Variants in NOP14 observed in about 807,000 individuals in gnomAD.
NOP14 encodes nucleolar protein 14.
A neutral mutation model predicts 101.6 loss-of-function variants in NOP14; 57 were observed. That is an observed-to-expected ratio of 0.56 (90% CI 0.45 to 0.70). NOP14 has a LOEUF of 0.70. Ranked by LOEUF, NOP14 falls within the 30% of genes least tolerant of loss-of-function variation. NOP14 has a pLI of 0.00. For missense variants in NOP14, 1,134 were observed against 1,075.5 expected, an observed-to-expected ratio of 1.05 and a Z score of -0.76; for synonymous variants, 428 against 424.0, an observed-to-expected ratio of 1.01 and a Z score of -0.12.
In NOP14 at chr4:2,963,360, A is replaced by C; in HGVS notation, c.-41T>G. ...GCGCCCAAGGGCCCGAGACCCGAAG[A>C]GAGACAGGCGCGCGCTACCCTAAGA... On this transcript the variant is annotated 5_prime_UTR_variant, in exon 1 of 18. Coordinates refer to ENST00000416614, the MANE Select transcript of NOP14 (RefSeq NM_001291978.2). 1 of 1,508,730 alleles carries C rather than the reference A, an allele frequency of 6.6e-7. No individual in the cohort carries two copies. Among genetic ancestry groups the C allele is most frequent in the South Asian group, 1.2e-5 (1 of 80,922 alleles). The allele number at this position is 1,508,730 out of a possible 1,614,324, so 93.5% of individuals were successfully genotyped here.
intron 9 of NOP14, 120 bp from the exon 10 acceptor site, chr4:2,947,731 G>T: frequency 1.3e-6 from 1 of 770,276 alleles, no homozygotes; most frequent in South Asian, 1.5e-5. Flanking sequence ...GGGGAGCCCA[G>T]GGTGACAGAC....
chr4:2,940,162 T>C (rs969608197), intron 15 of NOP14: 1 of 156,924 alleles, frequency 6.4e-6, no homozygotes, highest in Non-Finnish European at 1.4e-5. Flanking sequence ...TTTGACCTTA[T>C]TTTCAAGCCA....
chr4:2,950,485 G>T (rs922441913), intron 7 of NOP14: 8 of 513,836 alleles, frequency 1.6e-5, no homozygotes, highest in African/African-American at 1.5e-4. Context: ...GCATGGGACT[G>T]GGATTTGGAA....
chr4:2,962,556 G>T (rs1716118297), intron 1 of NOP14, among the ~76,000 whole-genome samples: 1 of 152,012 alleles, frequency 6.6e-6, no homozygotes, highest in Admixed American at 6.6e-5. Flanking sequence ...AAATGTGAAT[G>T]CATGCCCAGC....
At position 2,950,150 on chromosome 4, in the gene NOP14, C is replaced by T; in HGVS notation, c.1066G>A (p.Glu356Lys). 1 of 1,614,208 alleles carries T rather than the reference C, an allele frequency of 6.2e-7. No individual in the cohort carries two copies. The highest frequency in any genetic ancestry group is 8.5e-7 in the Non-Finnish European group (1 of 1,180,048). The change falls in exon 8 of 18, where the codon GAG (glutamate) becomes AAG (lysine). Residue 356 changes from glutamate to lysine, a missense_variant. Glu to Lys is a moderately conservative substitution (Grantham distance 56). Coordinates refer to ENST00000416614, the MANE Select transcript of NOP14 (RefSeq NM_001291978.2). Reference protein sequence around the residue: ...EEQSKEASDPESNEEEGDSSG... With the variant: ...EEQSKEASDPKSNEEEGDSSG... ...CTGTCACCTTCTTCCTCGTTGCTCT[C>T]AGGGTCACTGGCTTCCTTGCTTTGC...
intron 1 of NOP14, among the ~76,000 whole-genome samples, chr4:2,960,795 T>TATATTAATATTATAATCAC (rs1715732838): frequency 1.1e-5 from 1 of 91,588 alleles, no homozygotes; most frequent in African/African-American, 4.3e-5. Flanking sequence ...ATCACATTAA[T>TATATTAATATTATAATCAC]ATTAATATAT....
At chr4:2,959,305 C>A (rs1715543834) in intron 1 of NOP14, among the ~76,000 whole-genome samples, 2 of 152,112 alleles carry the variant, frequency 1.3e-5, no homozygotes, top group Admixed American at 1.3e-4. Flanking sequence ...TTAAAAACAC[C>A]TTTGGGGCCG....
intron 12 of NOP14, among the ~76,000 whole-genome samples, chr4:2,944,630 C>T (rs1449507216): frequency 6.6e-6 from 1 of 152,168 alleles, no homozygotes; most frequent in African/African-American, 2.4e-5. Context: ...TGGTCTTGAA[C>T]TCCCGACCTC....
intron 16 of NOP14, 43 bp downstream of exon 16, chr4:2,939,484 G>C (rs1274196507): frequency 6.2e-7 from 1 of 1,600,960 alleles, no homozygotes; most frequent in Middle Eastern, 1.7e-4. Context: ...CTCCCACTGA[G>C]CCCACAGCCC....
chr4:2,960,819 A>G (rs1240304033), intron 1 of NOP14, among the ~76,000 whole-genome samples: 5 of 96,548 alleles, frequency 5.2e-5, no homozygotes, highest in South Asian at 5.0e-4. Context: ...TATTATAATC[A>G]CATTATCAAT....
chr4:2,944,010 G>A (rs1714423424), intron 13 of NOP14, 63 bp downstream of exon 13: 1 of 1,351,806 alleles, frequency 7.4e-7, no homozygotes, highest in Non-Finnish European at 1.0e-6. Flanking sequence ...CAATGAGTAT[G>A]AACTACTTAA....
chr4:2,957,939 T>C (rs1715459629), intron 1 of NOP14, among the ~76,000 whole-genome samples, 199 bp from the exon 2 acceptor site: 1 of 152,162 alleles, frequency 6.6e-6, no homozygotes, highest in Non-Finnish European at 1.5e-5. Context: ...TCAAGGATAA[T>C]GGGGCAATCA....
Position 2,941,616 on chromosome 4 carries a change from T to A in NOP14, c.2165A>T (p.His722Leu). Reference sequence around the variant, plus strand: ...CTGCGGGTGGCTGCAGTCCGCCAGGTGATCCGTGAGGAGGGCTTGGAGAGG... The same window carrying A: ...CTGCGGGTGGCTGCAGTCCGCCAGGAGATCCGTGAGGAGGGCTTGGAGAGG... ...MGPLQALLTD[H>L]LADCSHPQEL... The change falls in exon 15 of 18, where the codon CAC (histidine) becomes CTC (leucine). Residue 722 changes from histidine (H) to leucine (L), a missense_variant. His to Leu is a moderately conservative substitution (Grantham distance 99). Transcript: ENST00000416614. 5.0e-6 allele frequency: 8 copies of A among 1,613,100 alleles called. No homozygotes were observed. Among genetic ancestry groups the A allele is most frequent in the Non-Finnish European group, 6.8e-6 (8 of 1,179,914 alleles).
At chr4:2,942,103 A>G in intron 14 of NOP14, 89 bp downstream of exon 14, 1 of 1,371,142 alleles carries the variant, frequency 7.3e-7, no homozygotes, top group South Asian at 1.4e-5. Context: ...AAGTTCACTA[A>G]GAACAGCACA....
intron 4 of NOP14, among the ~76,000 whole-genome samples, chr4:2,954,145 G>A (rs1715192269): frequency 6.6e-6 from 1 of 152,164 alleles, no homozygotes; most frequent in African/African-American, 2.4e-5. Flanking sequence ...TGAGGCCACA[G>A]TGAGCTTTGA....
At chr4:2,950,948 G>A in intron 7 of NOP14, 166 bp downstream of exon 7, 2 of 610,770 alleles carry the variant, frequency 3.3e-6, no homozygotes, top group Non-Finnish European at 2.8e-6. Flanking sequence ...TCTCTCTAAA[G>A]TTTTAATATC....
intron 8 of NOP14, 55 bp from the exon 9 acceptor site, chr4:2,948,463 A>AT: frequency 7.3e-7 from 1 of 1,373,018 alleles, no homozygotes; most frequent in Non-Finnish European, 9.7e-7. Flanking sequence ...ATGTATATAT[A>AT]TTTATTTTTG....
intron 13 of NOP14, among the ~76,000 whole-genome samples, chr4:2,943,314 C>T (rs930265901): frequency 9.2e-5 from 14 of 152,222 alleles, no homozygotes; most frequent in Admixed American, 4.6e-4. Context: ...TAGCACTGCA[C>T]GGTGAGCTGG....
Position 2,950,123 on chromosome 4 carries a change from A to C in NOP14, c.1093T>G (p.Ser365Ala). ...PESNEEEGDS[S>A]GGEDTEESDS... ...CTCTCCTCTGTGTCCTCCCCGCCTG[A>C]ACTGTCACCTTCTTCCTCGTTGCTC... Residue 365 changes from serine to alanine, a missense_variant, in exon 8 of 18, where the codon TCA becomes GCA. By Grantham distance (99) the Ser-to-Ala change is moderately conservative. Coordinates refer to ENST00000416614, the MANE Select transcript of NOP14 (RefSeq NM_001291978.2). 1 of 1,614,122 alleles carries C rather than the reference A, an allele frequency of 6.2e-7. No individual in the cohort carries two copies. The highest frequency in any genetic ancestry group is 8.5e-7 in the Non-Finnish European group (1 of 1,180,042).
Sources: allele counts gnomAD v4.1 joint callset (sites outside exome capture counted in the v4.1 genomes callset), GRCh38; gene constraint gnomAD v4.1.1; transcripts MANE v1.5; gene names NCBI Gene and HGNC (gene_info 2026-07-23, HGNC 2026-07-21).